The following ETFDH variants were observed in gnomAD, a reference collection of about 807,000 sequenced individuals.
ETFDH encodes electron transfer flavoprotein dehydrogenase.
In ETFDH, 61 loss-of-function variants were observed where a neutral mutation model predicts 73.2. That is an observed-to-expected ratio of 0.83 (90% CI 0.68 to 1.03). ETFDH has a LOEUF of 1.03. Among genes scored for constraint, ETFDH ranks in the 50% least tolerant of loss-of-function variants. The pLI is 0.00. For missense variants in ETFDH, 685 were observed against 745.0 expected (o/e 0.92, Z 0.94); for synonymous variants, 243 against 253.3 (o/e 0.96, Z 0.39).
intron 1 of ETFDH, chr4:158,679,644 A>G (rs1773794074): frequency 6.6e-6 from 1 of 152,214 alleles, no homozygotes; most frequent in Admixed American, 6.5e-5. Context: ...AGGAAAGAAG[A>G]GGTGGAGTTG....
At chr4:158,692,876 TAAAA>T (rs201333277) in intron 6 of ETFDH, among the ~76,000 whole-genome samples, 1 of 105,098 alleles carries the variant, frequency 9.5e-6, no homozygotes, top group African/African-American at 3.3e-5. Flanking sequence ...AAAAAAAGAT[TAAAA>T]AAAAAAAAAC....
chr4:158,680,545 C>T lies in ETFDH; in HGVS notation c.113C>T (p.Thr38Ile). 1 of 1,605,182 alleles carries T rather than the reference C, an allele frequency of 6.2e-7. No homozygotes were observed. The highest frequency in any genetic ancestry group is 1.1e-5 in the South Asian group (1 of 90,890). The change falls in exon 2 of 13, where the codon ACT becomes ATT. Residue 38 changes from threonine to isoleucine, a missense_variant. Thr to Ile is a moderately conservative substitution (Grantham distance 89, BLOSUM62 -1). This residue lies in a region of ETFDH where 405 missense variants were observed against 399.3 expected (regional missense o/e 1.01). Coordinates refer to ENST00000511912, the MANE Select transcript of ETFDH (RefSeq NM_004453.4). ...LCATRWSSTS[T>I]VPRITTHYTI... ...GCTACAAGATGGTCTTCAACTTCTACTGTGCCTCGAATTACTACCCATTAT... is the reference window on the plus strand; with the variant it reads ...GCTACAAGATGGTCTTCAACTTCTATTGTGCCTCGAATTACTACCCATTAT...
chr4:158,705,756 A>C (rs945178295), intron 10 of ETFDH, among the ~76,000 whole-genome samples: 2 of 152,218 alleles, frequency 1.3e-5, no homozygotes, highest in Non-Finnish European at 2.9e-5. Flanking sequence ...AAGAGCCTTC[A>C]CTGTGGACCA....
intron 6 of ETFDH, among the ~76,000 whole-genome samples, chr4:158,693,843 C>T (rs569679712): frequency 6.6e-6 from 1 of 152,258 alleles, no homozygotes; most frequent in South Asian, 2.1e-4. Flanking sequence ...TATCAAGGTG[C>T]ACTTAAACAT....
At chr4:158,678,484 G>A (rs1211298995) in intron 1 of ETFDH, among the ~76,000 whole-genome samples, 1 of 151,898 alleles carries the variant, frequency 6.6e-6, no homozygotes, top group Non-Finnish European at 1.5e-5. Flanking sequence ...CTTATTGCTG[G>A]TAACATTAAA....
chr4:158,680,043 C>T (rs1382104956), intron 1 of ETFDH: 1 of 134,208 alleles, frequency 7.5e-6, no homozygotes, highest in Non-Finnish European at 1.5e-5. Flanking sequence ...TGAGATTGCA[C>T]CACTGCACTG....
At chr4:158,707,754 A>C (rs2097470760) in intron 12 of ETFDH, among the ~76,000 whole-genome samples, 1 of 152,258 alleles carries the variant, frequency 6.6e-6, no homozygotes, top group Non-Finnish European at 1.5e-5. Flanking sequence ...GATGCCATAA[A>C]GTGCTTCCTT....
chr4:158,676,919 T>C (rs1773723569), intron 1 of ETFDH, among the ~76,000 whole-genome samples: 1 of 152,220 alleles, frequency 6.6e-6, no homozygotes, highest in South Asian at 2.1e-4. Flanking sequence ...CTTTTGTTAC[T>C]AGATATAAGA....
intron 9 of ETFDH, among the ~76,000 whole-genome samples, chr4:158,702,728 A>C (rs1478925631): frequency 1.3e-5 from 2 of 152,162 alleles, no homozygotes; most frequent in African/African-American, 4.8e-5. Context: ...ATGGACACTT[A>C]GTTTGATTCC....
chr4:158,673,798 T>A (rs983124579), intron 1 of ETFDH, among the ~76,000 whole-genome samples: 11 of 152,220 alleles, frequency 7.2e-5, no homozygotes, highest in Non-Finnish European at 1.3e-4. Flanking sequence ...TTTCTTTGGA[T>A]GGCAATTCAT....
intron 8 of ETFDH, 31 bp from the exon 9 acceptor site, chr4:158,698,956 G>A (rs893729402): frequency 2.7e-5 from 38 of 1,416,774 alleles, no homozygotes; most frequent in Non-Finnish European, 3.7e-5. Context: ...AAATAAAAAT[G>A]TCTAATTAAA....
In ETFDH at chr4:158,684,645, A is replaced by G. The variant is rs749702132; in HGVS notation, c.459A>G (p.Lys153=). 4 of 1,577,298 alleles carry G rather than the reference A, an allele frequency of 2.5e-6. No homozygotes were observed. The East Asian group carries it at 6.7e-5, about 26-fold the overall frequency. ...TEDRFGILTE[K]YRIPVPILPG... ...ACAGATTTGGAATTTTAACAGAGAA[A>G]TACAGAATTCCTGTGCCAATTCTTC... Residue 153 remains lysine, a synonymous_variant, in exon 4 of 13, where the codon AAA becomes AAG. Coordinates refer to ENST00000511912, the MANE Select transcript of ETFDH (RefSeq NM_004453.4).
chr4:158,672,392 C>T lies in ETFDH; in HGVS notation c.-65C>T, dbSNP rs898136135. ...CGCCCCCCGCGGCCTAGAGGTCCAGCGCCCGCCGCGAGCAGCGGACAGTCC... is the reference window on the plus strand; with the variant it reads ...CGCCCCCCGCGGCCTAGAGGTCCAGTGCCCGCCGCGAGCAGCGGACAGTCC... On this transcript the variant is annotated 5_prime_UTR_variant, in exon 1 of 13. Coordinates refer to ENST00000511912, the MANE Select transcript of ETFDH (RefSeq NM_004453.4). 5 of 1,571,812 alleles carry T rather than the reference C, an allele frequency of 3.2e-6. No homozygotes were observed. The highest frequency in any genetic ancestry group is 1.3e-5 in the African/African-American group (1 of 74,110).
At chr4:158,679,618 T>C (rs575832608) in intron 1 of ETFDH, 1 of 152,306 alleles carries the variant, frequency 6.6e-6, no homozygotes, top group African/African-American at 2.4e-5. Context: ...GATGCTAGGG[T>C]ACCTGCCCTG....
At chr4:158,682,873 TA>T (rs923733889) in intron 3 of ETFDH, among the ~76,000 whole-genome samples, 44 of 151,876 alleles carry the variant, frequency 2.9e-4, no homozygotes, top group Non-Finnish European at 5.0e-4. Context: ...CTTTTTAAAT[TA>T]AAAAAAAATT....
intron 3 of ETFDH, among the ~76,000 whole-genome samples, chr4:158,684,192 C>T (rs965558174): frequency 1.3e-5 from 2 of 152,138 alleles, no homozygotes; most frequent in Admixed American, 1.3e-4. Flanking sequence ...GAGTTCGAGA[C>T]CAGCCTGGCC....
chr4:158,677,726 A>G (rs1277129020), intron 1 of ETFDH, among the ~76,000 whole-genome samples: 1 of 152,184 alleles, frequency 6.6e-6, no homozygotes, highest in Non-Finnish European at 1.5e-5. Context: ...TTCAATATTA[A>G]TGTTAATGCT....
intron 5 of ETFDH, among the ~76,000 whole-genome samples, chr4:158,688,688 A>G (rs1774077792): frequency 6.6e-6 from 1 of 152,202 alleles, no homozygotes; most frequent in Non-Finnish European, 1.5e-5. Context: ...AACAAAAAAA[A>G]AGAACGAAAC....
At chr4:158,697,785 A>T (rs1387552482) in intron 8 of ETFDH, 86 bp downstream of exon 8, 1 of 1,235,514 alleles carries the variant, frequency 8.1e-7, no homozygotes, top group East Asian at 2.3e-5. Context: ...GAATCTGAAG[A>T]CTGTAAAATG....
Sources: allele counts gnomAD v4.1 joint callset (sites outside exome capture counted in the v4.1 genomes callset), GRCh38; gene constraint gnomAD v4.1.1; regional missense constraint gnomAD v4.1.1; transcripts MANE v1.5; gene names NCBI Gene and HGNC (gene_info 2026-07-23, HGNC 2026-07-21).